LRMDA: variants seen among roughly 807,000 people sequenced by gnomAD.
LRMDA encodes leucine rich melanocyte differentiation associated.
In LRMDA, 18 loss-of-function variants were observed where a neutral mutation model predicts 29.8. That is an observed-to-expected ratio of 0.60 (90% CI 0.42 to 0.90). LRMDA has a LOEUF of 0.90. LRMDA is among the 40% of genes least tolerant of loss of function. The pLI is 0.00. For synonymous variants in LRMDA, 125 were observed against 109.4 expected (o/e 1.14, Z -0.89); for missense variants, 273 against 273.9 (o/e 1.00, Z 0.02).
chr10:75,791,026 G>A (rs762294292), intron 2 of LRMDA, among the ~76,000 whole-genome samples: 6 of 152,162 alleles, frequency 3.9e-5, no homozygotes, highest in Non-Finnish European at 7.3e-5. Context: ...TCAGCAGAAG[G>A]GGCTTCATTC....
chr10:75,811,652 C>A (rs1392481034), intron 2 of LRMDA, among the ~76,000 whole-genome samples: 1 of 152,174 alleles, frequency 6.6e-6, no homozygotes, highest in Non-Finnish European at 1.5e-5. Flanking sequence ...CTAGTTCAGT[C>A]CTTTTACAGG....
intron 5 of LRMDA, among the ~76,000 whole-genome samples, chr10:76,163,774 G>A (rs1017360535): frequency 6.6e-6 from 1 of 152,192 alleles, no homozygotes; most frequent in South Asian, 2.1e-4. Flanking sequence ...TTTCTGGGCT[G>A]TAGTATCTGC....
At chr10:75,506,147 C>T (rs940559880) in intron 2 of LRMDA, among the ~76,000 whole-genome samples, 2 of 152,148 alleles carry the variant, frequency 1.3e-5, no homozygotes, top group Non-Finnish European at 2.9e-5. Context: ...AGTAGTACTC[C>T]CACTAATCCT....
At chr10:76,327,420 C>T (rs144490881) in intron 6 of LRMDA, among the ~76,000 whole-genome samples, 1 of 152,242 alleles carries the variant, frequency 6.6e-6, no homozygotes, top group East Asian at 1.9e-4. Flanking sequence ...AGTGACACTG[C>T]CCATTCTTCA....
intron 6 of LRMDA, among the ~76,000 whole-genome samples, chr10:76,405,469 A>C (rs1841892920): frequency 6.6e-6 from 1 of 152,220 alleles, no homozygotes; most frequent in Admixed American, 6.5e-5. Flanking sequence ...CAGCCCTGCC[A>C]GGAACAGTGC....
At chr10:76,115,030 G>GT (rs1379916146) in intron 5 of LRMDA, among the ~76,000 whole-genome samples, 1 of 152,228 alleles carries the variant, frequency 6.6e-6, no homozygotes, top group Admixed American at 6.5e-5. Flanking sequence ...GATACAAGCT[G>GT]TTTTTGCTTT....
At chr10:75,773,123 C>T (rs1843266547) in intron 2 of LRMDA, among the ~76,000 whole-genome samples, 1 of 152,172 alleles carries the variant, frequency 6.6e-6, no homozygotes, top group African/African-American at 2.4e-5. Context: ...TTATGGGGGA[C>T]TGTCTCATAT....
At chr10:75,704,469 A>G (rs1842343441) in intron 2 of LRMDA, among the ~76,000 whole-genome samples, 1 of 152,202 alleles carries the variant, frequency 6.6e-6, no homozygotes, top group Non-Finnish European at 1.5e-5. Flanking sequence ...AATCTTGGAA[A>G]TGGCATGCTT....
chr10:75,906,050 C>A (rs1289275187), intron 2 of LRMDA, among the ~76,000 whole-genome samples: 2 of 151,574 alleles, frequency 1.3e-5, no homozygotes, highest in African/African-American at 4.9e-5. Context: ...TGCTCCCAGT[C>A]CCAGCTCTCA....
At chr10:76,101,511 C>T (rs187593026) in intron 5 of LRMDA, among the ~76,000 whole-genome samples, 11 of 152,212 alleles carry the variant, frequency 7.2e-5, no homozygotes, top group African/African-American at 2.2e-4. Flanking sequence ...CCAAGGCAGG[C>T]GGATCAGTTG....
At chr10:75,561,929 G>C (rs183964436) in intron 2 of LRMDA, among the ~76,000 whole-genome samples, 1,988 of 152,102 alleles carry the variant, frequency 0.013, 26 homozygotes, top group Non-Finnish European at 0.021. Context: ...TTTACATTTG[G>C]TGAGGAGAGC....
chr10:76,295,464 C>T (rs1050957146), intron 5 of LRMDA, among the ~76,000 whole-genome samples: 2 of 152,182 alleles, frequency 1.3e-5, no homozygotes, highest in African/African-American at 4.8e-5. Flanking sequence ...TATTATATAG[C>T]ATTCTCAGTT....
At chr10:76,471,061 G>T (rs1197290623) in intron 6 of LRMDA, among the ~76,000 whole-genome samples, 2 of 151,824 alleles carry the variant, frequency 1.3e-5, no homozygotes, top group Admixed American at 6.6e-5. Flanking sequence ...ATGGAGATGG[G>T]TGGGAGGAAA....
At chr10:76,000,198 G>T (rs1298375920) in intron 2 of LRMDA, among the ~76,000 whole-genome samples, 2 of 152,126 alleles carry the variant, frequency 1.3e-5, no homozygotes, top group Non-Finnish European at 2.9e-5. Context: ...GGGCTGGGAG[G>T]ATGGCGCTGA....
chr10:76,013,225 C>T (rs780966207), intron 2 of LRMDA, among the ~76,000 whole-genome samples: 53 of 151,768 alleles, frequency 3.5e-4, no homozygotes, highest in Admixed American at 7.2e-4. Flanking sequence ...GCCCAGGTGG[C>T]GCTGTCCTTA....
chr10:75,619,467 T>A (rs969376674), intron 2 of LRMDA, among the ~76,000 whole-genome samples: 2 of 152,158 alleles, frequency 1.3e-5, no homozygotes, highest in Admixed American at 1.3e-4. Flanking sequence ...TTAATCAGTG[T>A]CAGCAGTTGT....
At chr10:75,970,881 A>G (rs1372843998) in intron 2 of LRMDA, among the ~76,000 whole-genome samples, 1 of 152,204 alleles carries the variant, frequency 6.6e-6, no homozygotes, top group Non-Finnish European at 1.5e-5. Context: ...CTATTTGTTC[A>G]GTGTTTAAAA....
chr10:76,032,552 G>A lies in LRMDA; in HGVS notation c.132-3456G>A, dbSNP rs764309677. Among the ~76,000 whole-genome samples, 58 of 152,194 alleles carry A rather than the reference G, an allele frequency of 3.8e-4. 1 individual carries two copies. Among genetic ancestry groups the A allele is most frequent in the Non-Finnish European group, 6.2e-4 (42 of 68,036 alleles). ...TCATTTTGATGTGACTTTGGAAAAG[G>A]CACTGGGATGCTCCCAGCAGCCGCT... On this transcript the variant is annotated intron_variant, in intron 2 of 6. Transcript: ENST00000611255.
At chr10:75,709,174 C>G (rs562335250) in intron 2 of LRMDA, among the ~76,000 whole-genome samples, 28 of 152,084 alleles carry the variant, frequency 1.8e-4, no homozygotes, top group African/African-American at 6.5e-4. Context: ...AAACTAAGCA[C>G]CTTAATTTTT....
Sources: allele counts gnomAD v4.1 joint callset (sites outside exome capture counted in the v4.1 genomes callset), GRCh38; gene constraint gnomAD v4.1.1; transcripts MANE v1.5; gene names NCBI Gene and HGNC (gene_info 2026-07-23, HGNC 2026-07-21).